The following RCOR1 variants were observed in gnomAD, a reference collection of about 807,000 sequenced individuals.
RCOR1 encodes the protein REST corepressor 1, also known as REST corepressor.
RCOR1 carries 12 observed loss-of-function variants against 64.0 expected under a neutral mutation model. That is an observed-to-expected ratio of 0.19 (90% CI 0.12 to 0.30). The LOEUF is 0.30. RCOR1 is among the 10% of genes least tolerant of loss of function. RCOR1 has a pLI of 1.00. For missense variants in RCOR1, 502 were observed against 621.2 expected (o/e 0.81, Z 2.04); for synonymous variants, 279 against 227.2 (o/e 1.23, Z -2.05).
intron 11 of RCOR1, among the ~76,000 whole-genome samples, chr14:102,725,146 GGACA>G (rs1222171193): frequency 6.6e-6 from 1 of 152,166 alleles, no homozygotes; most frequent in African/African-American, 2.4e-5. Context: ...GCCATGGATT[GGACA>G]GAAAGATGTC....
At chr14:102,697,589 G>A (rs1365640475) in intron 3 of RCOR1, among the ~76,000 whole-genome samples, 1 of 152,154 alleles carries the variant, frequency 6.6e-6, no homozygotes, top group Non-Finnish European at 1.5e-5. Context: ...AGGGCTCCTG[G>A]TACATTAACT....
At chr14:102,640,647 A>G (rs1191150533) in intron 2 of RCOR1, among the ~76,000 whole-genome samples, 2 of 151,842 alleles carry the variant, frequency 1.3e-5, no homozygotes, top group South Asian at 2.1e-4. Flanking sequence ...TGCAGAGGCT[A>G]TCACACTTAA....
chr14:102,699,489 T>C (rs1410358218), intron 3 of RCOR1, among the ~76,000 whole-genome samples: 1 of 152,246 alleles, frequency 6.6e-6, no homozygotes, highest in South Asian at 2.1e-4. Context: ...TCAAAATTGA[T>C]TTCTGTTTCC....
At chr14:102,704,915 A>G (rs1248813449) in intron 4 of RCOR1, among the ~76,000 whole-genome samples, 1 of 152,160 alleles carries the variant, frequency 6.6e-6, no homozygotes, top group Non-Finnish European at 1.5e-5. Flanking sequence ...TGTTGAGCCC[A>G]GGAGGTTGAA....
chr14:102,654,048 C>T (rs1195020504), intron 2 of RCOR1, among the ~76,000 whole-genome samples: 2 of 134,868 alleles, frequency 1.5e-5, no homozygotes, highest in Admixed American at 8.4e-5. Context: ...TGCAGTGGTG[C>T]GATCTCCACT....
At chr14:102,654,806 T>TTC (rs1894688735) in intron 2 of RCOR1, among the ~76,000 whole-genome samples, 1 of 133,344 alleles carries the variant, frequency 7.5e-6, no homozygotes, top group Non-Finnish European at 1.6e-5. Context: ...TTTTTTTTTT[T>TTC]CCTGTTCTTT....
At chr14:102,649,481 CTT>C in intron 2 of RCOR1, among the ~76,000 whole-genome samples, 1 of 152,194 alleles carries the variant, frequency 6.6e-6, no homozygotes. Flanking sequence ...CCCATCCTCT[CTT>C]GTAGTTTGTC....
chr14:102,625,202 C>G (rs1228168421), intron 2 of RCOR1, among the ~76,000 whole-genome samples: 2 of 145,978 alleles, frequency 1.4e-5, no homozygotes, highest in Non-Finnish European at 3.0e-5. Context: ...AGGCAGCAGT[C>G]TCTCTTGCAT....
chr14:102,721,150 C>T (rs751458594), intron 9 of RCOR1, 66 bp downstream of exon 9: 30 of 1,074,874 alleles, frequency 2.8e-5, no homozygotes, highest in Non-Finnish European at 3.9e-5. Context: ...AATTTAATAT[C>T]GGTGTGATAC....
chr14:102,711,853 C>A (rs1370775926), intron 7 of RCOR1, among the ~76,000 whole-genome samples: 1 of 152,152 alleles, frequency 6.6e-6, no homozygotes, highest in Non-Finnish European at 1.5e-5. Context: ...TATCCATAAT[C>A]ACTGTCAACC....
chr14:102,722,710 A>G (rs1896189145), intron 11 of RCOR1, among the ~76,000 whole-genome samples: 1 of 152,240 alleles, frequency 6.6e-6, no homozygotes, highest in Admixed American at 6.5e-5. Context: ...CTTGAGTGAC[A>G]AAGACAGGGG....
intron 2 of RCOR1, among the ~76,000 whole-genome samples, chr14:102,672,741 T>G (rs1485514920): frequency 6.6e-6 from 1 of 152,098 alleles, no homozygotes. Flanking sequence ...AATCAAAAAG[T>G]CAGATAATAA....
chr14:102,705,128 C>A (rs1211809740), intron 4 of RCOR1, among the ~76,000 whole-genome samples: 19 of 150,590 alleles, frequency 1.3e-4, no homozygotes, highest in African/African-American at 2.4e-4. Flanking sequence ...ACAACAACAA[C>A]AACAAAAAAA....
chr14:102,638,152 T>C (rs1257211428), intron 2 of RCOR1, among the ~76,000 whole-genome samples: 1 of 152,202 alleles, frequency 6.6e-6, no homozygotes, highest in Non-Finnish European at 1.5e-5. Context: ...GTACAGATTT[T>C]GGGGATAGCA....
In RCOR1 at chr14:102,722,283, G is replaced by A; in HGVS notation, c.1286G>A (p.Arg429His). The A allele has an allele frequency of 1.9e-6, 3 of 1,614,032 alleles. No individual in the cohort carries two copies. The highest frequency in any genetic ancestry group is 2.5e-6 in the Non-Finnish European group (3 of 1,179,952). ...AAAAACTTTTTTGTAAATTATCGACGCCGCTTCAACATAGATGAAGTTTTA... is the reference window on the plus strand; with the variant it reads ...AAAAACTTTTTTGTAAATTATCGACACCGCTTCAACATAGATGAAGTTTTA... ...QVKNFFVNYR[R>H]RFNIDEVLQE... The change falls in exon 11 of 12, where the codon CGC (arginine) becomes CAC (histidine). Residue 429 changes from arginine to histidine, a missense_variant. This residue lies in a region of RCOR1 where 260 missense variants were observed against 416.4 expected (regional missense o/e 0.62). Coordinates refer to ENST00000262241, the MANE Select transcript of RCOR1 (RefSeq NM_015156.4).
At position 102,592,855 on chromosome 14, in the gene RCOR1, C is replaced by T; in HGVS notation, c.-32C>T. 1 of 1,182,268 alleles carries T rather than the reference C, an allele frequency of 8.5e-7. No homozygotes were observed. The allele number at this position is 1,182,268 out of a possible 1,614,324, so 73.2% of individuals were successfully genotyped here. A position where few individuals can be genotyped will look rare whatever the true frequency, so the allele number is the denominator to read the frequency against. On this transcript the variant is annotated 5_prime_UTR_variant, in exon 1 of 12. Coordinates refer to ENST00000262241, the MANE Select transcript of RCOR1 (RefSeq NM_015156.4). ...CCCCCTCCTCAGGAGCCGCGGGTCCCCGCCACTTTCGCACGGCCCCGGCCC... is the reference window on the plus strand; with the variant it reads ...CCCCCTCCTCAGGAGCCGCGGGTCCTCGCCACTTTCGCACGGCCCCGGCCC...
intron 2 of RCOR1, among the ~76,000 whole-genome samples, chr14:102,627,399 G>C (rs1228825860): frequency 1.3e-5 from 2 of 152,162 alleles, no homozygotes; most frequent in Admixed American, 1.3e-4. Flanking sequence ...GCTCACGCCC[G>C]TAATCCCAAC....
chr14:102,699,162 G>A (rs1210834550), intron 3 of RCOR1, among the ~76,000 whole-genome samples: 1 of 152,236 alleles, frequency 6.6e-6, no homozygotes, highest in Admixed American at 6.5e-5. Context: ...TGGGATTACA[G>A]GCGTGAGCCA....
intron 3 of RCOR1, among the ~76,000 whole-genome samples, chr14:102,696,912 A>G (rs1166593480): frequency 8.0e-6 from 1 of 125,360 alleles, no homozygotes; most frequent in Non-Finnish European, 1.6e-5. Context: ...ACCACGTGGG[A>G]GGTTTTGAAA....
Sources: allele counts gnomAD v4.1 joint callset (sites outside exome capture counted in the v4.1 genomes callset), GRCh38; gene constraint gnomAD v4.1.1; regional missense constraint gnomAD v4.1.1; transcripts MANE v1.5; gene names NCBI Gene and HGNC (gene_info 2026-07-23, HGNC 2026-07-21).